Variants in SNTB1 observed in about 807,000 individuals in gnomAD.
SNTB1 encodes the protein syntrophin beta 1, also known as beta-1-syntrophin.
In SNTB1, 36 loss-of-function variants were observed where a neutral mutation model predicts 48.9. The observed-to-expected ratio is 0.74, with a 90% confidence interval of 0.56 to 0.97. The LOEUF is 0.97. Among genes scored for constraint, SNTB1 ranks in the 50% least tolerant of loss-of-function variants. SNTB1 has a pLI of 0.00. For synonymous variants in SNTB1, 299 were observed against 294.6 expected (o/e 1.01, Z -0.15); for missense variants, 786 against 703.4 (o/e 1.12, Z -1.33).
intron 4 of SNTB1, among the ~76,000 whole-genome samples, chr8:120,557,968 C>CTCTTTATTTGT (rs1440550515): frequency 1.3e-5 from 2 of 152,188 alleles, no homozygotes; most frequent in Non-Finnish European, 2.9e-5. Context: ...TACTTGGAAA[C>CTCTTTATTTGT]ACATTACTGT....
chr8:120,729,154 T>C (rs543259338), intron 1 of SNTB1, among the ~76,000 whole-genome samples: 40 of 152,258 alleles, frequency 2.6e-4, no homozygotes, highest in Non-Finnish European at 3.7e-4. Context: ...AATTTTTGTA[T>C]TTTGTTTCAG....
At chr8:120,792,398 T>TGTACACTAGTTGTGTGATGG (rs1323087399) in intron 1 of SNTB1, among the ~76,000 whole-genome samples, 1 of 151,928 alleles carries the variant, frequency 6.6e-6, no homozygotes, top group Non-Finnish European at 1.5e-5. Context: ...TTGGGTACAA[T>TGTACACTAGTTGTGTGATGG]GTACACTAGT....
Position 120,745,409 on chromosome 8 carries a change from G to A in SNTB1, c.572-51501C>T, listed in dbSNP as rs543326867. Among the ~76,000 whole-genome samples, 3 of 152,024 alleles carry A rather than the reference G, an allele frequency of 2.0e-5. No homozygotes were observed. The South Asian group carries it at 6.2e-4, about 32-fold the overall frequency. ...CCCGATATAGCCCCATCCTACAGAC[G>A]GAGAGAAGCCAGCATTCCCCAGGGG... On this transcript the variant is annotated intron_variant, in intron 1 of 6. Transcript: ENST00000517992.
At chr8:120,545,326 A>G (rs1815363563) in intron 5 of SNTB1, among the ~76,000 whole-genome samples, 2 of 152,172 alleles carry the variant, frequency 1.3e-5, no homozygotes, top group Admixed American at 6.5e-5. Flanking sequence ...CCTGGGCAAC[A>G]AGAGTAAAAC....
intron 5 of SNTB1, among the ~76,000 whole-genome samples, chr8:120,545,933 C>A (rs1815373353): frequency 6.6e-6 from 1 of 152,128 alleles, no homozygotes; most frequent in Non-Finnish European, 1.5e-5. Context: ...CCTATTAAAC[C>A]TATGAGGTAG....
At chr8:120,687,336 C>A (rs749280040) in intron 2 of SNTB1, among the ~76,000 whole-genome samples, 69 of 152,154 alleles carry the variant, frequency 4.5e-4, no homozygotes, top group Admixed American at 1.3e-3. Flanking sequence ...AAGCAAAACC[C>A]AAATCCACTG....
rs892925236 is a variant in SNTB1 at position 120,550,597 on chromosome 8, G to A, written c.1137-1639C>T. On this transcript the variant is annotated intron_variant, in intron 4 of 6. Transcript: ENST00000517992. The stretch of plus-strand genomic sequence containing the variant: ...GGAAGTTCTGTGAATCTCATTGAGA[G>A]TAGAGTCTAGGACAGTGTGAAGGGA... Among the ~76,000 whole-genome samples the A allele has an allele frequency of 2.0e-4, 30 of 150,928 alleles. 1 individual carries two copies. Among genetic ancestry groups the A allele is most frequent in the Non-Finnish European group, 5.9e-5 (4 of 67,788 alleles).
chr8:120,539,354 C>T (rs1473965113), intron 6 of SNTB1, among the ~76,000 whole-genome samples: 4 of 152,176 alleles, frequency 2.6e-5, no homozygotes, highest in Admixed American at 6.6e-5. Flanking sequence ...CTGGTTCTGA[C>T]GCTTTTTAGA....
At chr8:120,638,045 C>T (rs1034828709) in intron 2 of SNTB1, 3 of 161,818 alleles carry the variant, frequency 1.9e-5, no homozygotes, top group Non-Finnish European at 4.2e-5. Context: ...GAGATAAATT[C>T]TGTTCTCTTA....
At chr8:120,745,293 T>G (rs1232012295) in intron 1 of SNTB1, among the ~76,000 whole-genome samples, 1 of 152,020 alleles carries the variant, frequency 6.6e-6, no homozygotes, top group Non-Finnish European at 1.5e-5. Context: ...CCACTGTCAC[T>G]AGTCCCTGAC....
At chr8:120,611,813 C>A (rs1040720774) in intron 3 of SNTB1, among the ~76,000 whole-genome samples, 1 of 110,194 alleles carries the variant, frequency 9.1e-6, no homozygotes, top group African/African-American at 3.5e-5. Flanking sequence ...CAGAGCGAGA[C>A]TCTGTCTCGA....
intron 2 of SNTB1, among the ~76,000 whole-genome samples, chr8:120,634,605 T>G (rs1316590253): frequency 1.3e-5 from 2 of 152,194 alleles, no homozygotes; most frequent in Non-Finnish European, 2.9e-5. Flanking sequence ...TGCAGTGATG[T>G]GAAGTGTAGT....
At chr8:120,635,983 A>C in intron 2 of SNTB1, 1 of 764,464 alleles carries the variant, frequency 1.3e-6, no homozygotes, top group Admixed American at 3.4e-5. Context: ...TACTTGCTCC[A>C]GAATCCCATT....
chr8:120,687,327 A>G (rs1818050518), intron 2 of SNTB1, among the ~76,000 whole-genome samples: 2 of 152,250 alleles, frequency 1.3e-5, no homozygotes, highest in South Asian at 4.1e-4. Flanking sequence ...AAATTTGATA[A>G]GCAAAACCCA....
intron 4 of SNTB1, among the ~76,000 whole-genome samples, chr8:120,571,517 A>G (rs1815851169): frequency 1.4e-5 from 1 of 69,466 alleles, no homozygotes; most frequent in African/African-American, 6.0e-5. Context: ...TTTTTTTTTG[A>G]GACAGAGTCC....
chr8:120,680,138 T>C (rs1817905694), intron 2 of SNTB1, among the ~76,000 whole-genome samples: 2 of 152,240 alleles, frequency 1.3e-5, no homozygotes, highest in Admixed American at 6.5e-5. Flanking sequence ...CCCAGCCTGC[T>C]TTAAAAACAG....
intron 1 of SNTB1, among the ~76,000 whole-genome samples, chr8:120,777,936 C>A (rs1421422544): frequency 6.6e-6 from 1 of 152,228 alleles, no homozygotes; most frequent in Admixed American, 6.5e-5. Context: ...TCTGCAGCAG[C>A]AGCAGAAACA....
rs563162427 is a variant in SNTB1, at chr8:120,700,970, A to T, written c.572-7062T>A. Reference sequence around the variant, plus strand: ...AAATTCATTGCTTTAGAGGATGTAAACACAAATGTGGAGTTTTAAAAATGT... The same window carrying T: ...AAATTCATTGCTTTAGAGGATGTAATCACAAATGTGGAGTTTTAAAAATGT... On this transcript the variant is annotated intron_variant, in intron 1 of 6. Transcript: ENST00000517992. 1.8e-4 allele frequency among the ~76,000 whole-genome samples: 27 copies of T among 152,332 alleles called. No homozygotes were observed. The East Asian group carries it at 5.2e-3, about 29-fold the overall frequency.
chr8:120,771,447 A>T (rs1205812453), intron 1 of SNTB1, among the ~76,000 whole-genome samples: 2 of 152,240 alleles, frequency 1.3e-5, no homozygotes, highest in South Asian at 2.1e-4. Flanking sequence ...CGTATAAAAA[A>T]TTTCTGTTCC....
Sources: gnomAD v4.1 joint callset for allele counts (sites outside exome capture counted in the v4.1 genomes callset) on GRCh38, gnomAD v4.1.1 for gene constraint, MANE v1.5 for transcripts, NCBI Gene and HGNC (gene_info 2026-07-23, HGNC 2026-07-21) for gene names.